TBL1XR1: variants seen among roughly 807,000 people sequenced by gnomAD.
The protein encoded by TBL1XR1 is F-box-like/WD repeat-containing protein TBL1XR1.
Under a neutral mutation model 66.9 loss-of-function variants are expected in TBL1XR1, and 5 were observed. The observed-to-expected ratio is 0.07, with a 90% CI of 0.04 to 0.16. The LOEUF (loss-of-function observed/expected upper bound fraction) is 0.16. Ranked by LOEUF, TBL1XR1 falls within the 10% of genes least tolerant of loss-of-function variation. The pLI is 1.00. For synonymous variants in TBL1XR1, 210 were observed against 206.0 expected (o/e 1.02, Z -0.17); for missense variants, 238 against 623.2 (o/e 0.38, Z 6.58).
At chr3:177,112,149 C>A (rs1269391838) in intron 1 of TBL1XR1, among the ~76,000 whole-genome samples, 1 of 113,344 alleles carries the variant, frequency 8.8e-6, no homozygotes, top group East Asian at 3.0e-4. Context: ...ACTCTGTTGC[C>A]GAGGCTGAAG....
At chr3:177,026,218 G>C (rs758774711) in intron 15 of TBL1XR1, among the ~76,000 whole-genome samples, 155 bp downstream of exon 15, 2 of 150,690 alleles carry the variant, frequency 1.3e-5, no homozygotes, top group African/African-American at 2.5e-5. Flanking sequence ...TGAATCCAAC[G>C]CACATGAAAA....
intron 1 of TBL1XR1, among the ~76,000 whole-genome samples, chr3:177,148,765 T>G (rs1730537974): frequency 1.3e-5 from 2 of 151,772 alleles, no homozygotes; most frequent in Admixed American, 6.6e-5. Flanking sequence ...ATCCCTGCAC[T>G]TTGGGAGGCC....
intron 1 of TBL1XR1, among the ~76,000 whole-genome samples, chr3:177,189,649 CAAAA>C (rs761647251): frequency 4.4e-5 from 2 of 45,266 alleles, no homozygotes; most frequent in Admixed American, 1.8e-4. Flanking sequence ...GACTCCATCT[CAAAA>C]AAAAAAAAAA....
rs568734608 is a variant in TBL1XR1, at chr3:177,036,836, G to A, written c.1122+1262C>T. Reference sequence around the variant, plus strand: ...CCCTCATGATTTTCATATCTGTAACGGTCATCACATCTGCAGTCCTTGGTA... The same window carrying A: ...CCCTCATGATTTTCATATCTGTAACAGTCATCACATCTGCAGTCCTTGGTA... On this transcript the variant is annotated intron_variant, in intron 12 of 15. Transcript: ENST00000457928. Among the ~76,000 whole-genome samples, 3 of 152,254 alleles carry A rather than the reference G, an allele frequency of 2.0e-5. 1 individual carries two copies. In the South Asian group the frequency reaches 6.2e-4, roughly 32 times the overall value.
intron 1 of TBL1XR1, among the ~76,000 whole-genome samples, chr3:177,139,269 C>G (rs1488792033): frequency 6.6e-6 from 1 of 152,228 alleles, no homozygotes; most frequent in Non-Finnish European, 1.5e-5. Context: ...TGCCTGCAAT[C>G]CCAGCACTTT....
intron 1 of TBL1XR1, among the ~76,000 whole-genome samples, chr3:177,135,466 C>T (rs1728887811): frequency 1.4e-5 from 2 of 148,068 alleles, no homozygotes; most frequent in Admixed American, 6.7e-5. Flanking sequence ...TCACTGCAAG[C>T]TCCGCCAGCC....
intron 1 of TBL1XR1, among the ~76,000 whole-genome samples, chr3:177,188,405 G>A (rs762335259): frequency 1.6e-4 from 25 of 152,142 alleles, no homozygotes; most frequent in Non-Finnish European, 3.4e-4. Flanking sequence ...AAATTAGGTA[G>A]GTGTGGTGGC....
chr3:177,136,668 T>C (rs567889790), intron 1 of TBL1XR1, among the ~76,000 whole-genome samples: 17 of 152,282 alleles, frequency 1.1e-4, no homozygotes, highest in Admixed American at 3.9e-4. Context: ...CAAAAATAGA[T>C]AAACAGGGTT....
rs148643821 is a variant in TBL1XR1 at position 177,152,551 on chromosome 3, C to T, written c.-122+44570G>A. Among the ~76,000 whole-genome samples, 6,003 of 152,264 alleles carry T rather than the reference C, an allele frequency of 0.039. 766 individuals are homozygous for T. The East Asian group carries it at 0.5, about 13-fold the overall frequency. On this transcript the variant is annotated intron_variant, in intron 1 of 15. Transcript: ENST00000457928. ...CTGCCCGCCTCGGCCTCCCAAAATG[C>T]TGGGATTACAGGCGTGAGCGTGAGC...
At chr3:177,051,457 A>G in intron 5 of TBL1XR1, 47 bp downstream of exon 5, 1 of 1,514,678 alleles carries the variant, frequency 6.6e-7, no homozygotes, top group Non-Finnish European at 8.9e-7. Flanking sequence ...TTAAAAAAAT[A>G]AATAAATAAA....
chr3:177,040,439 T>G (rs1375541357), intron 10 of TBL1XR1, among the ~76,000 whole-genome samples: 1 of 152,222 alleles, frequency 6.6e-6, no homozygotes, highest in Non-Finnish European at 1.5e-5. Context: ...CCTCATTGTG[T>G]ATATCCAAGC....
rs1715080620 is a variant in TBL1XR1, at chr3:177,038,161, A to G, written c.1059T>C (p.Asn353=). The G allele has an allele frequency of 6.2e-7, 1 of 1,613,472 alleles. No homozygotes were observed. The change falls in exon 12 of 16, where the codon AAT becomes AAC. Residue 353 remains asparagine, a synonymous_variant. Coordinates refer to ENST00000457928, the MANE Select transcript of TBL1XR1 (RefSeq NM_024665.7). ...TGCCAGTTGGGTCCCATTTGATAGC[A>G]TTTACTTCATTCTAAAAATAATAGT... is the stretch of plus-strand genomic sequence containing the variant. ...KTFQGHTNEV[N]AIKWDPTGNL...
chr3:177,177,101 A>T (rs768260519), intron 1 of TBL1XR1, among the ~76,000 whole-genome samples: 1 of 152,202 alleles, frequency 6.6e-6, no homozygotes, highest in Non-Finnish European at 1.5e-5. Context: ...CAATCAGTCC[A>T]CTTTTGGATT....
chr3:177,119,542 C>G (rs1282687984), intron 1 of TBL1XR1, among the ~76,000 whole-genome samples: 1 of 152,174 alleles, frequency 6.6e-6, no homozygotes, highest in Non-Finnish European at 1.5e-5. Context: ...TATTCATATA[C>G]TGTCTTTGTT....
At chr3:177,025,650 T>A in intron 15 of TBL1XR1, 126 bp from the exon 16 acceptor site, 1 of 900,450 alleles carries the variant, frequency 1.1e-6, no homozygotes, top group Non-Finnish European at 1.7e-6. Context: ...TAAAGCATAA[T>A]AATCATGGAA....
chr3:177,173,379 G>A (rs181028068), intron 1 of TBL1XR1, among the ~76,000 whole-genome samples: 6 of 152,230 alleles, frequency 3.9e-5, no homozygotes, highest in South Asian at 2.1e-4. Flanking sequence ...ATTTCAGAGC[G>A]AAGGAACTTG....
At chr3:177,067,399 T>C (rs1577067382) in intron 2 of TBL1XR1, among the ~76,000 whole-genome samples, 2 of 152,162 alleles carry the variant, frequency 1.3e-5, no homozygotes, top group Admixed American at 1.3e-4. Flanking sequence ...GATGAAAGTA[T>C]CCAACCTGCA....
intron 2 of TBL1XR1, among the ~76,000 whole-genome samples, chr3:177,095,018 T>C (rs1723289392): frequency 6.9e-6 from 1 of 145,302 alleles, no homozygotes; most frequent in Non-Finnish European, 1.5e-5. Context: ...ATACATACAA[T>C]GGAATCTCAT....
At chr3:177,033,317 A>C (rs1714271364) in intron 13 of TBL1XR1, among the ~76,000 whole-genome samples, 181 bp from the exon 14 acceptor site, 1 of 152,228 alleles carries the variant, frequency 6.6e-6, no homozygotes, top group African/African-American at 2.4e-5. Flanking sequence ...GAAAATAATA[A>C]ATAAATGAAA....
Sources: allele counts gnomAD v4.1 joint callset (sites outside exome capture counted in the v4.1 genomes callset), GRCh38; gene constraint gnomAD v4.1.1; transcripts MANE v1.5; gene names NCBI Gene and HGNC (gene_info 2026-07-23, HGNC 2026-07-21).